Variants in DIP2C observed in about 807,000 individuals in gnomAD.
DIP2C encodes the protein disco-interacting protein 2 homolog C.
In DIP2C, 33 loss-of-function variants were observed where a neutral mutation model predicts 192.4. The ratio of observed to expected loss-of-function variants is 0.17; its 90% CI spans 0.13 to 0.23. The LOEUF (loss-of-function observed/expected upper bound fraction) is 0.23, where lower values mean the gene tolerates loss of function less well. DIP2C is among the 10% of genes least tolerant of loss of function. DIP2C has a pLI of 1.00. For synonymous variants in DIP2C, 979 were observed against 864.1 expected (o/e 1.13, Z -2.33); for missense variants, 1,537 against 2,110.1 (o/e 0.73, Z 5.32).
intron 1 of DIP2C, among the ~76,000 whole-genome samples, chr10:504,814 C>T (rs796326899): frequency 1.3e-5 from 2 of 152,330 alleles, no homozygotes; most frequent in South Asian, 2.1e-4. Flanking sequence ...TAAACCAAAT[C>T]GCACTATGGC....
intron 1 of DIP2C, among the ~76,000 whole-genome samples, chr10:612,001 CAAG>C (rs1853129036): frequency 6.6e-6 from 1 of 151,824 alleles, no homozygotes; most frequent in Admixed American, 6.6e-5. Flanking sequence ...TAGTTAAAAT[CAAG>C]AATAACCCAG....
intron 1 of DIP2C, among the ~76,000 whole-genome samples, chr10:500,757 T>TC (rs1845168527): frequency 6.6e-6 from 1 of 152,234 alleles, no homozygotes; most frequent in African/African-American, 2.4e-5. Context: ...ACAAATCACC[T>TC]CATCTGGGTA....
At chr10:443,960 T>C (rs61837236) in intron 3 of DIP2C, among the ~76,000 whole-genome samples, 24,300 of 152,224 alleles carry the variant, frequency 0.16, 5,028 homozygotes, top group African/African-American at 0.48. Flanking sequence ...CTTTGATAAG[T>C]GGAAATCTAC....
intron 1 of DIP2C, among the ~76,000 whole-genome samples, chr10:625,794 G>A (rs1854164114): frequency 6.6e-6 from 1 of 152,178 alleles, no homozygotes; most frequent in South Asian, 2.1e-4. Context: ...CAAAGGTAAA[G>A]AAGTAACCTG....
chr10:405,122 G>A (rs1964709675), intron 9 of DIP2C, among the ~76,000 whole-genome samples: 1 of 152,224 alleles, frequency 6.6e-6, no homozygotes, highest in Admixed American at 6.5e-5. Context: ...AATCTTCCCA[G>A]AATACCAGCT....
intron 1 of DIP2C, among the ~76,000 whole-genome samples, chr10:544,201 C>G (rs1471467355): frequency 6.6e-6 from 1 of 152,232 alleles, no homozygotes; most frequent in Non-Finnish European, 1.5e-5. Context: ...AGTGGAATTG[C>G]ACAGTGCTTG....
At chr10:447,455 C>T (rs571615205) in intron 3 of DIP2C, among the ~76,000 whole-genome samples, 3 of 148,736 alleles carry the variant, frequency 2.0e-5, no homozygotes, top group South Asian at 2.1e-4. Context: ...AGTGGGGCAG[C>T]AGGACCCGCT....
chr10:281,363 G>A, intron 35 of DIP2C, 40 bp from the exon 36 acceptor site: 1 of 1,552,562 alleles, frequency 6.4e-7, no homozygotes, highest in Non-Finnish European at 8.7e-7. Flanking sequence ...TCCCCATAAT[G>A]CCGCTCAAGC....
At chr10:671,785 G>C (rs1374219441) in intron 1 of DIP2C, among the ~76,000 whole-genome samples, 1 of 111,080 alleles carries the variant, frequency 9.0e-6, no homozygotes, top group Non-Finnish European at 1.8e-5. Context: ...ACAGACGCAC[G>C]GACGGAGGAA....
intron 29 of DIP2C, chr10:340,961 A>C: frequency 1.6e-6 from 1 of 632,128 alleles, no homozygotes; most frequent in South Asian, 1.5e-5. Context: ...AAAGGTCCGC[A>C]ACAGACGGCT....
At chr10:285,387 C>T (rs114577259) in intron 34 of DIP2C, among the ~76,000 whole-genome samples, 7 of 152,208 alleles carry the variant, frequency 4.6e-5, no homozygotes, top group Admixed American at 2.6e-4. Flanking sequence ...GGAAGGGGGG[C>T]GCCTCATGGG....
chr10:387,837 TTTAC>T, intron 13 of DIP2C, 28 bp from the exon 14 acceptor site: 2 of 1,613,352 alleles, frequency 1.2e-6, no homozygotes, highest in Non-Finnish European at 1.7e-6. Flanking sequence ...TCAGGAGATT[TTTAC>T]TTAGGACAGG....
intron 28 of DIP2C, among the ~76,000 whole-genome samples, chr10:344,295 C>T (rs965145945): frequency 6.7e-6 from 1 of 149,418 alleles, no homozygotes; most frequent in Admixed American, 6.8e-5. Flanking sequence ...GTGGACAGAG[C>T]GTGAGAACTG....
chr10:554,858 G>C lies in DIP2C; in HGVS notation c.86-68328C>G, dbSNP rs529078631. Among the ~76,000 whole-genome samples, 6 of 145,476 alleles carry C rather than the reference G, an allele frequency of 4.1e-5. No homozygotes were observed. The South Asian group carries it at 1.3e-3, about 30-fold the overall frequency. The stretch of plus-strand genomic sequence containing the variant: ...AGTCACAGCCTGGCAGGAAGCACCA[G>C]TGATGCAGGTGTGCCCGAGACAGAG... On this transcript the variant is annotated intron_variant, in intron 1 of 36. Transcript: ENST00000280886.
chr10:375,259 G>A (rs890703660), intron 17 of DIP2C, among the ~76,000 whole-genome samples: 2 of 152,114 alleles, frequency 1.3e-5, no homozygotes, highest in African/African-American at 4.8e-5. Context: ...GAATAGAGCT[G>A]GGCACCTCCT....
intron 1 of DIP2C, among the ~76,000 whole-genome samples, chr10:558,136 T>A (rs1191357369): frequency 6.6e-6 from 1 of 152,160 alleles, no homozygotes; most frequent in Non-Finnish European, 1.5e-5. Flanking sequence ...GATAACGCAT[T>A]GTCTTACCAG....
chr10:507,891 G>A (rs1205841519), intron 1 of DIP2C, among the ~76,000 whole-genome samples: 7 of 152,140 alleles, frequency 4.6e-5, no homozygotes, highest in Non-Finnish European at 8.8e-5. Context: ...TTAAATGAGG[G>A]GCCCAAGTTT....
chr10:277,212 T>C lies in DIP2C; in HGVS notation c.*113A>G. 3 of 1,485,836 alleles carry C rather than the reference T, an allele frequency of 2.0e-6. No homozygotes were observed. Among genetic ancestry groups the C allele is most frequent in the South Asian group, 2.6e-5 (2 of 76,162 alleles). The allele number at this position is 1,485,836 out of a possible 1,614,324, so 92.0% of individuals were successfully genotyped here. Reference sequence around the variant, plus strand: ...TCCTCCTCCTCTTCCTCCTCCACTCTCACCACAAATGGCTGTATTCTGGTG... The same window carrying C: ...TCCTCCTCCTCTTCCTCCTCCACTCCCACCACAAATGGCTGTATTCTGGTG... On this transcript the variant is annotated 3_prime_UTR_variant, in exon 37 of 37. Coordinates refer to ENST00000280886, the MANE Select transcript of DIP2C (RefSeq NM_014974.3).
intron 1 of DIP2C, among the ~76,000 whole-genome samples, chr10:509,015 G>T (rs117162531): frequency 0.011 from 1,627 of 152,210 alleles, 16 homozygotes; most frequent in South Asian, 0.016. Context: ...GCCTGTCCTC[G>T]CTAGAACACT....
Sources: gnomAD v4.1 joint callset for allele counts (sites outside exome capture counted in the v4.1 genomes callset) on GRCh38, gnomAD v4.1.1 for gene constraint, MANE v1.5 for transcripts, NCBI Gene and HGNC (gene_info 2026-07-23, HGNC 2026-07-21) for gene names.